ZMAT3: variants seen among roughly 807,000 people sequenced by gnomAD.
The protein encoded by ZMAT3 is zinc finger matrin-type protein 3.
ZMAT3 carries 17 observed loss-of-function variants against 32.3 expected under a neutral mutation model. The ratio of observed to expected loss-of-function variants is 0.53; its 90% confidence interval spans 0.36 to 0.79. The LOEUF is 0.79. Among genes scored for constraint, ZMAT3 ranks in the 30% least tolerant of loss-of-function variants. ZMAT3 has a pLI of 0.00. For synonymous variants in ZMAT3, 120 were observed against 133.1 expected, an observed-to-expected ratio of 0.90 and a Z score of 0.68; for missense variants, 329 against 359.7, an observed-to-expected ratio of 0.91 and a Z score of 0.69.
At position 179,023,849 on chromosome 3, in the gene ZMAT3, T is replaced by C. The variant is rs1408791407; in HGVS notation, c.*1168A>G. On this transcript the variant is annotated 3_prime_UTR_variant, in exon 6 of 6. Transcript: ENST00000311417. ...CATTCTCCTGCCTCAGCCTCCAGAG[T>C]AGCTGGGACTACAGGCACCCACCAC... 2.1e-4 allele frequency: 30 copies of C among 142,474 alleles called. No homozygotes were observed. Among genetic ancestry groups the C allele is most frequent in the Non-Finnish European group, 3.0e-4 (20 of 66,132 alleles). 8.8% of individuals were successfully genotyped at this position (142,474 alleles called of 1,614,324 possible).
At chr3:179,038,369 C>T (rs1719721255) in intron 2 of ZMAT3, among the ~76,000 whole-genome samples, 4 of 152,218 alleles carry the variant, frequency 2.6e-5, no homozygotes, top group South Asian at 2.1e-4. Context: ...TCACTTGAGT[C>T]TAAGACTTTG....
chr3:179,034,174 T>C (rs945594252), intron 2 of ZMAT3, among the ~76,000 whole-genome samples: 8 of 152,224 alleles, frequency 5.3e-5, no homozygotes, highest in African/African-American at 1.9e-4. Context: ...TCTATTTATA[T>C]GCTAAGCCCT....
intron 2 of ZMAT3, among the ~76,000 whole-genome samples, chr3:179,057,207 C>A (rs1036432685): frequency 6.6e-6 from 1 of 152,132 alleles, no homozygotes; most frequent in African/African-American, 2.4e-5. Flanking sequence ...AGAAACCCAA[C>A]AGACAGTGGA....
chr3:179,033,465 C>T (rs939771195), intron 2 of ZMAT3, among the ~76,000 whole-genome samples: 2 of 150,374 alleles, frequency 1.3e-5, no homozygotes, highest in South Asian at 4.2e-4. Flanking sequence ...TCCCCCTCTC[C>T]GAGAAACACC....
rs139020807 is a variant in ZMAT3, at chr3:179,036,575, G to A, written c.271-5576C>T. On this transcript the variant is annotated intron_variant, in intron 2 of 5. Transcript: ENST00000311417. ...TATTGGATAAGAGGGTAGAAGGGAG[G>A]TGAACCGCAGGGTAGATGGAAATAT... 4.2e-3 allele frequency among the ~76,000 whole-genome samples: 641 copies of A among 152,258 alleles called. 5 individuals are homozygous for A. Among genetic ancestry groups the A allele is most frequent in the African/African-American group, 0.014 (594 of 41,554 alleles).
At chr3:179,030,762 G>T in intron 3 of ZMAT3, 118 bp downstream of exon 3, 1 of 1,434,804 alleles carries the variant, frequency 7.0e-7, no homozygotes, top group Non-Finnish European at 9.2e-7. Context: ...GCATCTTTCA[G>T]GATTATTTTC....
chr3:179,042,568 G>GT, intron 2 of ZMAT3, among the ~76,000 whole-genome samples: 1 of 152,252 alleles, frequency 6.6e-6, no homozygotes, highest in Middle Eastern at 3.4e-3. Context: ...TTGATGGAAC[G>GT]TATCTCAAAA....
chr3:179,030,727 T>G (rs989012769), intron 3 of ZMAT3, among the ~76,000 whole-genome samples, 153 bp downstream of exon 3: 4 of 152,186 alleles, frequency 2.6e-5, no homozygotes, highest in African/African-American at 9.7e-5. Context: ...AGCACTGTAG[T>G]TCAAGGAGTT....
chr3:179,048,775 CAAAA>C (rs199703376), intron 2 of ZMAT3, among the ~76,000 whole-genome samples: 2 of 102,934 alleles, frequency 1.9e-5, no homozygotes, highest in African/African-American at 3.2e-5. Flanking sequence ...GGTATTCAGG[CAAAA>C]AAAAAAAAAA....
intron 2 of ZMAT3, among the ~76,000 whole-genome samples, chr3:179,043,153 GTAA>G (rs1474146897): frequency 1.6e-4 from 25 of 152,148 alleles, no homozygotes; most frequent in African/African-American, 6.0e-4. Flanking sequence ...ACTGCCCAAG[GTAA>G]TTTATAGATT....
intron 2 of ZMAT3, among the ~76,000 whole-genome samples, chr3:179,045,826 G>A (rs4245917): frequency 0.62 from 94,053 of 151,994 alleles, 29,254 homozygotes; most frequent in East Asian, 0.8. Flanking sequence ...TAATCATTCA[G>A]CACAACAATA....
At chr3:179,058,097 G>A (rs185669486) in intron 2 of ZMAT3, among the ~76,000 whole-genome samples, 1 of 152,324 alleles carries the variant, frequency 6.6e-6, no homozygotes, top group African/African-American at 2.4e-5. Flanking sequence ...GTGGTAAAGG[G>A]TTAGCCTCAT....
At chr3:179,037,963 C>T (rs1272207174) in intron 2 of ZMAT3, among the ~76,000 whole-genome samples, 1 of 152,012 alleles carries the variant, frequency 6.6e-6, no homozygotes, top group African/African-American at 2.4e-5. Context: ...TACACACACA[C>T]AACCAAAGAA....
Position 179,024,922 on chromosome 3 carries a change from G to T in ZMAT3, c.*95C>A, listed in dbSNP as rs1269397576. On this transcript the variant is annotated 3_prime_UTR_variant, in exon 6 of 6. Coordinates refer to ENST00000311417, the MANE Select transcript of ZMAT3 (RefSeq NM_022470.4). ...TTACATGTATTAACATTAAGCAGAG[G>T]AATGTACTCATATCAAAAAGACCAC... is the stretch of plus-strand genomic sequence containing the variant. 1.7e-6 allele frequency: 2 copies of T among 1,201,364 alleles called. No homozygotes were observed. The highest frequency in any genetic ancestry group is 2.4e-6 in the Non-Finnish European group (2 of 817,870). The allele number at this position is 1,201,364 out of a possible 1,614,324, so 74.4% of individuals were successfully genotyped here. A position where few individuals can be genotyped will look rare whatever the true frequency, so the allele number is the denominator to read the frequency against.
intron 2 of ZMAT3, among the ~76,000 whole-genome samples, 159 bp from the exon 3 acceptor site, chr3:179,031,158 C>CT (rs758849971): frequency 6.6e-5 from 10 of 151,374 alleles, no homozygotes; most frequent in Non-Finnish European, 1.2e-4. Context: ...TATAATTGTT[C>CT]TTTTTTCTAA....
intron 2 of ZMAT3, among the ~76,000 whole-genome samples, chr3:179,032,727 A>G (rs1459073088): frequency 2.1e-5 from 3 of 145,448 alleles, no homozygotes; most frequent in Admixed American, 2.0e-4. Context: ...GTCTCTGACC[A>G]GCCACCCTGT....
chr3:179,029,530 C>T (rs1277454355), intron 3 of ZMAT3, among the ~76,000 whole-genome samples: 1 of 152,130 alleles, frequency 6.6e-6, no homozygotes, highest in Non-Finnish European at 1.5e-5. Flanking sequence ...GTGGCACAAT[C>T]TTGGCTCACT....
chr3:179,029,677 A>C (rs888900226), intron 3 of ZMAT3, among the ~76,000 whole-genome samples: 1 of 152,136 alleles, frequency 6.6e-6, no homozygotes, highest in African/African-American at 2.4e-5. Flanking sequence ...AAAATACCAA[A>C]ATTTTACATT....
chr3:179,041,826 G>A (rs143717185), intron 2 of ZMAT3, among the ~76,000 whole-genome samples: 6,253 of 151,818 alleles, frequency 0.041, 173 homozygotes, highest in Non-Finnish European at 0.06. Flanking sequence ...ACAAAATTGA[G>A]AGACCACTAG....
Sources: gnomAD v4.1 joint callset for allele counts (sites outside exome capture counted in the v4.1 genomes callset) on GRCh38, gnomAD v4.1.1 for gene constraint, MANE v1.5 for transcripts, NCBI Gene and HGNC (gene_info 2026-07-23, HGNC 2026-07-21) for gene names.